The following RBFOX1 variants were observed in gnomAD, a reference collection of about 807,000 sequenced individuals.
RBFOX1 encodes the protein RNA binding protein fox-1 homolog 1.
In RBFOX1, 8 loss-of-function variants were observed where a neutral mutation model predicts 57.7. The observed-to-expected ratio is 0.14, with a 90% confidence interval of 0.08 to 0.25. RBFOX1 has a LOEUF of 0.25. Ranked by LOEUF, RBFOX1 falls within the 10% of genes least tolerant of loss-of-function variation. The pLI, the probability that RBFOX1 is intolerant of heterozygous loss-of-function variation, is 1.00. For synonymous variants in RBFOX1, 326 were observed against 222.4 expected (o/e 1.47, Z -4.15); for missense variants, 611 against 548.5 (o/e 1.11, Z -1.14).
chr16:5,403,992 G>A (rs1166158889), intron 1 of RBFOX1, among the ~76,000 whole-genome samples: 4 of 151,394 alleles, frequency 2.6e-5, no homozygotes, highest in Non-Finnish European at 5.9e-5. Context: ...GGGAAGGGTG[G>A]GGCTGGGCAT....
At chr16:5,989,880 A>ACACACACACCCC (rs33912010) in intron 4 of RBFOX1, among the ~76,000 whole-genome samples, 4 of 127,208 alleles carry the variant, frequency 3.1e-5, no homozygotes, top group Admixed American at 8.1e-5. Context: ...ACACACACAC[A>ACACACACACCCC]CCACCCCTGT....
At chr16:7,241,668 C>T (rs1260750868) in intron 4 of RBFOX1, among the ~76,000 whole-genome samples, 1 of 151,922 alleles carries the variant, frequency 6.6e-6, no homozygotes, top group East Asian at 1.9e-4. Flanking sequence ...AGTAAGAGTG[C>T]ATTACAAAAA....
chr16:7,681,947 T>C (rs1287057927), intron 14 of RBFOX1, among the ~76,000 whole-genome samples: 2 of 152,162 alleles, frequency 1.3e-5, no homozygotes, highest in African/African-American at 2.4e-5. Context: ...CAAGATCTTA[T>C]TCTAGTGCCG....
At chr16:6,137,700 A>G (rs992773322) in intron 1 of RBFOX1, among the ~76,000 whole-genome samples, 5 of 146,240 alleles carry the variant, frequency 3.4e-5, no homozygotes, top group African/African-American at 1.3e-4. Flanking sequence ...TACAGCCTCA[A>G]CTTCTGGGGC....
chr16:5,838,034 CA>C (rs2056514281), intron 3 of RBFOX1: 1 of 152,296 alleles, frequency 6.6e-6, no homozygotes, highest in African/African-American at 2.4e-5. Flanking sequence ...GACATTGCTG[CA>C]TAATTTTTTT....
At position 5,905,729 on chromosome 16, in the gene RBFOX1, C is replaced by T. The variant is rs190854220; in HGVS notation, c.351+38394C>T. Among the ~76,000 whole-genome samples, 405 of 152,170 alleles carry T rather than the reference C, an allele frequency of 2.7e-3. 4 individuals carry two copies. The highest frequency in any genetic ancestry group is 0.02 in the Middle Eastern group (6 of 294). ...ACAGGGAGAAGACAGCATCTAGAAG[C>T]CAAGGAGAGAGGACTCAGAAGTACC... is the stretch of plus-strand genomic sequence containing the variant. On this transcript the variant is annotated intron_variant, in intron 4 of 19. Coordinates refer to the RBFOX1 transcript ENST00000641259.
At chr16:7,492,572 A>G (rs1232997002) in intron 4 of RBFOX1, among the ~76,000 whole-genome samples, 2 of 152,202 alleles carry the variant, frequency 1.3e-5, no homozygotes, top group Non-Finnish European at 2.9e-5. Context: ...TAGTGATATC[A>G]TTTAGATATT....
At chr16:7,232,763 C>T (rs1409251939) in intron 4 of RBFOX1, among the ~76,000 whole-genome samples, 2 of 151,012 alleles carry the variant, frequency 1.3e-5, no homozygotes, top group Non-Finnish European at 2.9e-5. Flanking sequence ...ATTGCTTGAA[C>T]CTGGGAGGGG....
intron 3 of RBFOX1, among the ~76,000 whole-genome samples, chr16:6,828,720 G>C (rs763633126): frequency 6.6e-6 from 1 of 152,024 alleles, no homozygotes; most frequent in South Asian, 2.1e-4. Flanking sequence ...ATGTTAATGA[G>C]TGACTTACCA....
chr16:7,311,814 T>A (rs1014926203), intron 4 of RBFOX1, among the ~76,000 whole-genome samples: 3 of 152,218 alleles, frequency 2.0e-5, no homozygotes, highest in Non-Finnish European at 4.4e-5. Flanking sequence ...TACAGGTTTT[T>A]TTGAAAAACG....
chr16:7,055,497 A>G (rs906602457), intron 4 of RBFOX1, among the ~76,000 whole-genome samples: 2 of 152,164 alleles, frequency 1.3e-5, no homozygotes, highest in East Asian at 1.9e-4. Flanking sequence ...CATCTACCCC[A>G]TATCACGTTC....
intron 4 of RBFOX1, among the ~76,000 whole-genome samples, chr16:7,196,607 G>A (rs982420686): frequency 1.3e-5 from 2 of 152,160 alleles, no homozygotes; most frequent in Non-Finnish European, 2.9e-5. Flanking sequence ...TTTTTTAGAG[G>A]AAACCAGGGT....
At chr16:5,752,570 C>A (rs2053248003) in intron 3 of RBFOX1, among the ~76,000 whole-genome samples, 1 of 152,134 alleles carries the variant, frequency 6.6e-6, no homozygotes, top group Non-Finnish European at 1.5e-5. Context: ...CTTCATGGGC[C>A]ATAGGATCTT....
At chr16:5,704,120 G>T (rs574963330) in intron 3 of RBFOX1, among the ~76,000 whole-genome samples, 1 of 152,054 alleles carries the variant, frequency 6.6e-6, no homozygotes, top group South Asian at 2.1e-4. Flanking sequence ...GAAGACTTGG[G>T]GCACATCCAC....
chr16:7,642,092 G>C (rs540809815), intron 11 of RBFOX1, among the ~76,000 whole-genome samples: 127 of 152,262 alleles, frequency 8.3e-4, no homozygotes, highest in Non-Finnish European at 1.5e-3. Context: ...TCTAGCCTGG[G>C]GGAGACCCTG....
At chr16:5,843,755 C>T (rs778828196) in intron 3 of RBFOX1, among the ~76,000 whole-genome samples, 1 of 152,146 alleles carries the variant, frequency 6.6e-6, no homozygotes, top group Non-Finnish European at 1.5e-5. Flanking sequence ...TTAGTAAGTA[C>T]AGGGATTAAG....
intron 3 of RBFOX1, among the ~76,000 whole-genome samples, chr16:6,793,687 A>G (rs551921029): frequency 6.6e-6 from 1 of 152,234 alleles, no homozygotes; most frequent in African/African-American, 2.4e-5. Context: ...AAATGAAAAC[A>G]GTGCATTGGC....
chr16:6,032,610 T>G (rs189885153), intron 1 of RBFOX1, among the ~76,000 whole-genome samples: 1 of 152,252 alleles, frequency 6.6e-6, no homozygotes, highest in East Asian at 1.9e-4. Context: ...CAAATGCTTG[T>G]CTTAAAAAAA....
intron 2 of RBFOX1, among the ~76,000 whole-genome samples, chr16:5,564,910 G>T (rs1429658711): frequency 1.3e-5 from 2 of 152,092 alleles, no homozygotes; most frequent in East Asian, 3.9e-4. Flanking sequence ...GATGCCGGTG[G>T]AACACACCTC....
Sources: allele counts gnomAD v4.1 joint callset (sites outside exome capture counted in the v4.1 genomes callset), GRCh38; gene constraint gnomAD v4.1.1; transcripts MANE v1.5; gene names NCBI Gene and HGNC (gene_info 2026-07-23, HGNC 2026-07-21).